PLCB1: variants seen among roughly 807,000 people sequenced by gnomAD.
PLCB1 encodes 1-phosphatidylinositol 4,5-bisphosphate phosphodiesterase beta-1.
PLCB1 carries 46 observed loss-of-function variants against 161.8 expected under a neutral mutation model. The ratio of observed to expected loss-of-function variants is 0.28; its 90% CI spans 0.22 to 0.36. PLCB1 has a LOEUF of 0.36. PLCB1 is among the 10% of genes least tolerant of loss of function. The pLI is 1.00. For missense variants in PLCB1, 1,016 were observed against 1,472.5 expected (o/e 0.69, Z 5.07); for synonymous variants, 517 against 503.7 (o/e 1.03, Z -0.35).
intron 3 of PLCB1, among the ~76,000 whole-genome samples, chr20:8,566,808 C>CT (rs57718112): frequency 1.8e-3 from 242 of 130,874 alleles, no homozygotes; most frequent in Middle Eastern, 3.8e-3. Context: ...TAAATCACTT[C>CT]TTTTTTTTTT....
At chr20:8,204,691 G>A (rs760509693) in intron 2 of PLCB1, among the ~76,000 whole-genome samples, 7 of 151,992 alleles carry the variant, frequency 4.6e-5, no homozygotes, top group Non-Finnish European at 1.0e-4. Flanking sequence ...CTTCGGGTAC[G>A]GCCTGCAGAA....
intron 2 of PLCB1, among the ~76,000 whole-genome samples, chr20:8,169,745 G>A (rs753282435): frequency 3.3e-5 from 5 of 152,130 alleles, no homozygotes; most frequent in African/African-American, 4.8e-5. Flanking sequence ...TTCGATGCCT[G>A]AATTCAGAGA....
intron 10 of PLCB1, among the ~76,000 whole-genome samples, chr20:8,696,576 T>C (rs1990590142): frequency 6.6e-6 from 1 of 152,170 alleles, no homozygotes; most frequent in Non-Finnish European, 1.5e-5. Flanking sequence ...TTTAGGCCAA[T>C]GGTGGGGAGT....
chr20:8,499,362 A>C (rs181170770), intron 3 of PLCB1, among the ~76,000 whole-genome samples: 2 of 152,222 alleles, frequency 1.3e-5, no homozygotes, highest in African/African-American at 2.4e-5. Context: ...TTGAACATCA[A>C]TATAGGATTG....
intron 3 of PLCB1, among the ~76,000 whole-genome samples, chr20:8,483,994 A>G (rs1392154040): frequency 6.6e-6 from 1 of 152,162 alleles, no homozygotes; most frequent in African/African-American, 2.4e-5. Flanking sequence ...GTTGTTCCCT[A>G]TTCTTGGACC....
chr20:8,336,533 C>G (rs1985588331), intron 2 of PLCB1, among the ~76,000 whole-genome samples: 2 of 152,278 alleles, frequency 1.3e-5, no homozygotes, highest in Admixed American at 1.3e-4. Context: ...TCATGCACAT[C>G]TCCTGGGGAT....
chr20:8,276,528 G>T (rs972407564), intron 2 of PLCB1, among the ~76,000 whole-genome samples: 5 of 152,016 alleles, frequency 3.3e-5, no homozygotes, highest in Non-Finnish European at 5.9e-5. Context: ...GTCATACAAT[G>T]GAAATTTCCT....
chr20:8,830,648 C>G (rs1314730267), intron 31 of PLCB1, among the ~76,000 whole-genome samples: 1 of 152,068 alleles, frequency 6.6e-6, no homozygotes, highest in Admixed American at 6.6e-5. Context: ...CGATCAAGTA[C>G]CCTTTCTAAA....
intron 31 of PLCB1, among the ~76,000 whole-genome samples, chr20:8,861,321 C>G (rs1046603094): frequency 6.6e-6 from 1 of 152,170 alleles, no homozygotes; most frequent in African/African-American, 2.4e-5. Flanking sequence ...GAATCATACA[C>G]TTATTATGTT....
intron 3 of PLCB1, among the ~76,000 whole-genome samples, chr20:8,562,341 CT>C (rs1314961755): frequency 6.6e-6 from 1 of 152,008 alleles, no homozygotes; most frequent in African/African-American, 2.4e-5. Flanking sequence ...CTCAGCGGTC[CT>C]AATGTTTGGT....
chr20:8,857,902 T>G (rs1987122137), intron 31 of PLCB1, among the ~76,000 whole-genome samples: 1 of 152,186 alleles, frequency 6.6e-6, no homozygotes, highest in Non-Finnish European at 1.5e-5. Context: ...TTTGTATCTT[T>G]TGGTAATTTT....
chr20:8,567,461 A>G (rs1223591051), intron 3 of PLCB1, among the ~76,000 whole-genome samples: 1 of 152,124 alleles, frequency 6.6e-6, no homozygotes, highest in African/African-American at 2.4e-5. Context: ...CATGATGTTC[A>G]TAAGTTTAGT....
chr20:8,254,445 C>G (rs915472185), intron 2 of PLCB1, among the ~76,000 whole-genome samples: 1 of 151,908 alleles, frequency 6.6e-6, no homozygotes, highest in Non-Finnish European at 1.5e-5. Context: ...GCTAATGTAT[C>G]TTCCCCAAAC....
intron 9 of PLCB1, among the ~76,000 whole-genome samples, chr20:8,664,951 G>T (rs1469764917): frequency 6.6e-6 from 1 of 152,058 alleles, no homozygotes; most frequent in East Asian, 1.9e-4. Context: ...GAATCACAGT[G>T]TCCTGAAGGA....
chr20:8,521,672 TA>T (rs944312816), intron 3 of PLCB1, among the ~76,000 whole-genome samples: 8 of 152,062 alleles, frequency 5.3e-5, no homozygotes, highest in East Asian at 1.9e-4. Flanking sequence ...TGAGACTGCC[TA>T]AAAAAAATCC....
At chr20:8,514,545 G>T (rs1410010542) in intron 3 of PLCB1, among the ~76,000 whole-genome samples, 1 of 151,898 alleles carries the variant, frequency 6.6e-6, no homozygotes, top group East Asian at 1.9e-4. Context: ...AGGCATGGTG[G>T]TGTGCACCTG....
chr20:8,174,219 GA>G (rs1161990903), intron 2 of PLCB1, among the ~76,000 whole-genome samples: 5 of 152,112 alleles, frequency 3.3e-5, no homozygotes, highest in African/African-American at 7.2e-5. Context: ...AAAGGCAAAG[GA>G]AAAAAATCTT....
intron 23 of PLCB1, among the ~76,000 whole-genome samples, chr20:8,742,901 T>C (rs1236422513): frequency 2.6e-5 from 4 of 152,238 alleles, no homozygotes; most frequent in Non-Finnish European, 5.9e-5. Context: ...TGTACACTGA[T>C]TTTTAATCCT....
rs1326445069 is a variant in PLCB1 at position 8,757,074 on chromosome 20, C to T, written c.2552C>T (p.Ala851Val). The T allele has an allele frequency of 1.9e-6, 3 of 1,611,874 alleles. No homozygotes were observed. The highest frequency in any genetic ancestry group is 2.5e-6 in the Non-Finnish European group (3 of 1,178,582). The change falls in exon 24 of 32, where the codon GCT becomes GTT. Residue 851 changes from alanine (A) to valine (V), a missense_variant. Ala to Val is a moderately conservative substitution (Grantham distance 64). Around this residue, in one of 10 missense-constraint regions of PLCB1, gnomAD observed 398 missense variants for 445.4 expected, o/e 0.89. Transcript: ENST00000338037. The stretch of plus-strand genomic sequence containing the variant: ...GATCCTGGAGAAACACCATCAGAGG[C>T]TCCAAGTGAAGCGAGAACGACTCCA... ...EADPGETPSE[A>V]PSEARTTPAE...
Sources: allele counts gnomAD v4.1 joint callset (sites outside exome capture counted in the v4.1 genomes callset), GRCh38; gene constraint gnomAD v4.1.1; regional missense constraint gnomAD v4.1.1; transcripts MANE v1.5; gene names NCBI Gene and HGNC (gene_info 2026-07-23, HGNC 2026-07-21).